The following GPHN variants were observed in gnomAD, a reference collection of about 807,000 sequenced individuals.
GPHN encodes the protein gephyrin.
GPHN carries 17 observed loss-of-function variants against 95.5 expected under a neutral mutation model. The observed-to-expected ratio is 0.18, with a 90% CI of 0.12 to 0.27. The LOEUF is 0.27. Among genes scored for constraint, GPHN ranks in the 10% least tolerant of loss-of-function variants. The pLI, the probability that GPHN is intolerant of heterozygous loss-of-function variation, is 1.00. For missense variants in GPHN, 660 were observed against 978.1 expected (o/e 0.67, Z 4.34); for synonymous variants, 320 against 322.5 (o/e 0.99, Z 0.08).
At chr14:66,804,551 A>T (rs1338044559) in intron 3 of GPHN, among the ~76,000 whole-genome samples, 2 of 152,194 alleles carry the variant, frequency 1.3e-5, no homozygotes, top group Non-Finnish European at 2.9e-5. Context: ...CAAATTTTTA[A>T]GTTTAAATGT....
intron 1 of GPHN, among the ~76,000 whole-genome samples, chr14:66,565,305 T>A (rs1342826893): frequency 2.6e-5 from 4 of 152,076 alleles, no homozygotes; most frequent in African/African-American, 9.7e-5. Flanking sequence ...TGTGTGTGTG[T>A]GTGTGTTTTG....
intron 17 of GPHN, among the ~76,000 whole-genome samples, chr14:67,140,981 T>G (rs2080423219): frequency 1.3e-5 from 1 of 78,888 alleles, no homozygotes. Context: ...ATGTCAGGGT[T>G]TTTTTTTTTA....
chr14:67,041,830 A>C (rs1219485380), intron 10 of GPHN, among the ~76,000 whole-genome samples: 1 of 152,164 alleles, frequency 6.6e-6, no homozygotes, highest in Non-Finnish European at 1.5e-5. Flanking sequence ...TTACACTCCC[A>C]CTAACAGTGT....
intron 2 of GPHN, among the ~76,000 whole-genome samples, chr14:66,763,205 A>T (rs919946837): frequency 2.5e-5 from 3 of 118,108 alleles, no homozygotes; most frequent in African/African-American, 5.1e-5. Flanking sequence ...CCATATTACA[A>T]CTATTTTTTT....
At chr14:67,424,538 G>A in the GPHN span, among the ~76,000 whole-genome samples, 1 of 149,936 alleles carries the variant, frequency 6.7e-6, no homozygotes, top group Admixed American at 6.7e-5. Context: ...AGTTGAAGCT[G>A]CAGTGAGCCA....
chr14:67,432,836 G>C, the GPHN span, among the ~76,000 whole-genome samples: 1 of 152,036 alleles, frequency 6.6e-6, no homozygotes, highest in Non-Finnish European at 1.5e-5. Context: ...TCTCTGTTTT[G>C]GTGGTCGCAT....
intron 3 of GPHN, among the ~76,000 whole-genome samples, chr14:66,794,728 G>C (rs1035830657): frequency 1.3e-5 from 2 of 152,040 alleles, no homozygotes; most frequent in African/African-American, 4.8e-5. Flanking sequence ...GTCTACTTTG[G>C]TAATTATTAA....
At chr14:67,074,443 C>G (rs886346721) in intron 11 of GPHN, among the ~76,000 whole-genome samples, 2 of 152,082 alleles carry the variant, frequency 1.3e-5, no homozygotes, top group East Asian at 3.9e-4. Context: ...ATCGATAAAC[C>G]TGTGAATTCT....
At chr14:67,719,943 T>C in the GPHN span, among the ~76,000 whole-genome samples, 3 of 152,348 alleles carry the variant, frequency 2.0e-5, no homozygotes, top group Admixed American at 2.0e-4. Context: ...GGTAACCTTA[T>C]AAATACATGG....
At chr14:67,391,750 G>A in the GPHN span, among the ~76,000 whole-genome samples, 1 of 152,224 alleles carries the variant, frequency 6.6e-6, no homozygotes, top group African/African-American at 2.4e-5. Flanking sequence ...AGGTAGGAAT[G>A]CCGCAGGACA....
At chr14:66,800,637 G>A (rs2060314193) in intron 3 of GPHN, among the ~76,000 whole-genome samples, 1 of 151,730 alleles carries the variant, frequency 6.6e-6, no homozygotes, top group South Asian at 2.1e-4. Flanking sequence ...TTGACCATTG[G>A]GAGTTTGAAT....
chr14:67,249,938 C>T, the GPHN span, among the ~76,000 whole-genome samples: 1 of 152,244 alleles, frequency 6.6e-6, no homozygotes, highest in East Asian at 1.9e-4. Flanking sequence ...CTTAGAGTAT[C>T]CATATTTAGA....
intron 1 of GPHN, among the ~76,000 whole-genome samples, chr14:66,568,914 GT>G (rs2060565281): frequency 6.6e-6 from 1 of 152,038 alleles, no homozygotes; most frequent in African/African-American, 2.4e-5. Context: ...TCATAAGCAT[GT>G]TTATAAATGT....
chr14:67,148,530 T>C (rs1308094767), intron 18 of GPHN, among the ~76,000 whole-genome samples: 1 of 151,884 alleles, frequency 6.6e-6, no homozygotes, highest in African/African-American at 2.4e-5. Flanking sequence ...TCAACACTAT[T>C]TTCATAATAA....
chr14:66,863,886 ACT>A (rs1302050982), intron 4 of GPHN, among the ~76,000 whole-genome samples: 2 of 152,182 alleles, frequency 1.3e-5, no homozygotes, highest in African/African-American at 4.8e-5. Context: ...CATTGAGGAA[ACT>A]CTCCTGGATA....
chr14:66,548,369 T>C (rs2059685297), intron 1 of GPHN, among the ~76,000 whole-genome samples: 1 of 151,780 alleles, frequency 6.6e-6, no homozygotes, highest in African/African-American at 2.4e-5. Flanking sequence ...TTAGTAGAGA[T>C]GGGGTTTCAC....
At chr14:67,360,716 C>G in the GPHN span, 1 of 152,982 alleles carries the variant, frequency 6.5e-6, no homozygotes, top group Non-Finnish European at 1.5e-5. Flanking sequence ...GATTGTACAG[C>G]CTCTACAATA....
At chr14:66,958,456 T>C (rs1411962582) in intron 8 of GPHN, among the ~76,000 whole-genome samples, 1 of 152,200 alleles carries the variant, frequency 6.6e-6, no homozygotes, top group Non-Finnish European at 1.5e-5. Context: ...AATGCATTGT[T>C]CAGTGATTTT....
chr14:67,690,450 T>A, the GPHN span: 1 of 1,593,882 alleles, frequency 6.3e-7, no homozygotes, highest in Non-Finnish European at 8.6e-7. Context: ...ATTAATGAAG[T>A]TCAGGGCCAT....
Sources: allele counts gnomAD v4.1 joint callset (sites outside exome capture counted in the v4.1 genomes callset), GRCh38; gene constraint gnomAD v4.1.1; transcripts MANE v1.5; gene names NCBI Gene and HGNC (gene_info 2026-07-23, HGNC 2026-07-21).